The following ABCC3 variants were observed in gnomAD, a reference collection of about 807,000 sequenced individuals.
ABCC3 encodes the protein ATP-binding cassette sub-family C member 3.
ABCC3 carries 121 observed loss-of-function variants against 165.3 expected under a neutral mutation model. The ratio of observed to expected loss-of-function variants is 0.73; its 90% CI spans 0.63 to 0.85. The LOEUF (loss-of-function observed/expected upper bound fraction) is 0.85. Ranked by LOEUF, ABCC3 falls within the 40% of genes least tolerant of loss-of-function variation. ABCC3 has a pLI of 0.00. For synonymous variants in ABCC3, 733 were observed against 810.1 expected (o/e 0.90, Z 1.62); for missense variants, 1,869 against 1,964.1 (o/e 0.95, Z 0.92).
chr17:50,680,010 T>C (rs759141030), intron 26 of ABCC3, 111 bp downstream of exon 26: 3 of 738,998 alleles, frequency 4.1e-6, no homozygotes, highest in Non-Finnish European at 7.0e-6. Context: ...GGGCTCTTCA[T>C]TCATTTACCC....
intron 8 of ABCC3, among the ~76,000 whole-genome samples, chr17:50,662,608 A>G (rs1216982351): frequency 1.4e-5 from 2 of 144,672 alleles, no homozygotes; most frequent in African/African-American, 5.3e-5. Flanking sequence ...ACCGCACTCC[A>G]GTCTAGGTGA....
intron 12 of ABCC3, 49 bp from the exon 13 acceptor site, chr17:50,667,814 G>A (rs1161315773): frequency 1.9e-6 from 3 of 1,613,596 alleles, no homozygotes; most frequent in East Asian, 2.2e-5. Flanking sequence ...GCCCAGGCAT[G>A]GCCAGGGCTC....
intron 30 of ABCC3, among the ~76,000 whole-genome samples, chr17:50,687,960 C>CTTT (rs779689378): frequency 6.9e-6 from 1 of 144,740 alleles, no homozygotes. Context: ...TCTTCTTCTT[C>CTTT]TTTTTTTTTT....
intron 3 of ABCC3, 24 bp from the exon 4 acceptor site, chr17:50,657,022 G>A (rs112433873): frequency 6.2e-7 from 1 of 1,609,048 alleles, no homozygotes; most frequent in African/African-American, 1.3e-5. Context: ...GTTCTGCCCG[G>A]GCCTCCCTGC....
At chr17:50,638,430 G>T (rs2054198970) in intron 1 of ABCC3, among the ~76,000 whole-genome samples, 1 of 152,166 alleles carries the variant, frequency 6.6e-6, no homozygotes, top group Non-Finnish European at 1.5e-5. Context: ...CCCTGTCACT[G>T]GGGGGTATGT....
chr17:50,673,379 G>A (rs1967690319), intron 18 of ABCC3, 90 bp from the exon 19 acceptor site: 3 of 1,497,830 alleles, frequency 2.0e-6, no homozygotes, highest in Non-Finnish European at 2.7e-6. Context: ...TGGCACATGG[G>A]CACACTTCAC....
chr17:50,659,102 CT>C (rs1967320848), intron 6 of ABCC3, 134 bp from the exon 7 acceptor site: 2 of 1,084,282 alleles, frequency 1.8e-6, no homozygotes, highest in Non-Finnish European at 2.7e-6. Context: ...AAGGAGACAC[CT>C]TTCATGGTCA....
At chr17:50,684,149 T>G in intron 28 of ABCC3, 42 bp downstream of exon 28, 1 of 1,600,490 alleles carries the variant, frequency 6.2e-7, no homozygotes, top group Non-Finnish European at 8.5e-7. Context: ...CCAACGGCCC[T>G]GGAGGCAGGC....
At chr17:50,684,582 C>T (rs1379396024) in intron 28 of ABCC3, 127 bp from the exon 29 acceptor site, 4 of 1,040,198 alleles carry the variant, frequency 3.8e-6, no homozygotes, top group Non-Finnish European at 5.5e-6. Flanking sequence ...CCATTGTGTC[C>T]TCTGGGGAGC....
intron 1 of ABCC3, among the ~76,000 whole-genome samples, chr17:50,638,466 C>T (rs368277474): frequency 2.0e-5 from 3 of 152,078 alleles, no homozygotes; most frequent in East Asian, 1.9e-4. Context: ...GACTGCTTGG[C>T]GGAGATGCTG....
At position 50,675,349 on chromosome 17, in the gene ABCC3, C is replaced by T. The variant is rs566597656; in HGVS notation, c.2600-13C>T. On this transcript the variant is annotated splice_polypyrimidine_tract_variant and intron_variant, in intron 19 of 30. Coordinates refer to ENST00000285238, the MANE Select transcript of ABCC3 (RefSeq NM_003786.4). ...TAGCTGAACCCTATCTCCTTCCTCC[C>T]ACCCTACTGCAGCGTTGGAAGGTGC... The T allele has an allele frequency of 3.1e-6, 5 of 1,594,198 alleles. No homozygotes were observed. The highest frequency in any genetic ancestry group is 4.3e-6 in the Non-Finnish European group (5 of 1,167,322).
intron 22 of ABCC3, 26 bp downstream of exon 22, chr17:50,676,116 G>A: frequency 1.2e-6 from 2 of 1,613,414 alleles, no homozygotes; most frequent in Non-Finnish European, 1.7e-6. Context: ...TGTCCAGAAG[G>A]GGCTCCAATA....
At chr17:50,684,562 A>G in intron 28 of ABCC3, 147 bp from the exon 29 acceptor site, 1 of 826,354 alleles carries the variant, frequency 1.2e-6, no homozygotes, top group Non-Finnish European at 1.8e-6. Context: ...GCAATTTTCT[A>G]TCTCTTTGGC....
chr17:50,683,911 C>T, intron 27 of ABCC3, 38 bp from the exon 28 acceptor site: 1 of 1,603,352 alleles, frequency 6.2e-7, no homozygotes, highest in South Asian at 1.1e-5. Context: ...TTTGACCTCT[C>T]AGCTTCCCCC....
In ABCC3 at chr17:50,684,821, G is replaced by A. The variant is rs1410401804; in HGVS notation, c.4226G>A (p.Ser1409Asn). 1.2e-6 allele frequency: 2 copies of A among 1,614,052 alleles called. No individual in the cohort carries two copies. The highest frequency in any genetic ancestry group is 1.7e-6 in the Non-Finnish European group (2 of 1,180,042). ...LELSHLHTFVSSQPAGLDFQC... is the reference protein window; with the variant it reads ...LELSHLHTFVNSQPAGLDFQC... ...CTGTCCCACCTGCACACGTTTGTGA[G>A]CTCCCAGCCGGCAGGCCTGGACTTC... Residue 1409 changes from serine (S) to asparagine (N), a missense_variant, in exon 29 of 31, where the codon AGC becomes AAC. Transcript: ENST00000285238.
At chr17:50,679,684 C>A in intron 25 of ABCC3, 114 bp from the exon 26 acceptor site, 1 of 1,000,080 alleles carries the variant, frequency 1.0e-6, no homozygotes, top group Non-Finnish European at 1.5e-6. Context: ...CCTGGGTCAT[C>A]CATGGGCTAG....
chr17:50,658,118 T>G lies in ABCC3; in HGVS notation c.523T>G (p.Tyr175Asp). The change falls in exon 5 of 31, where the codon TAC (tyrosine) becomes GAC (aspartate). Residue 175 changes from tyrosine to aspartate, a missense_variant. Tyr to Asp is a radical substitution (Grantham distance 160). Coordinates refer to ENST00000285238, the MANE Select transcript of ABCC3 (RefSeq NM_003786.4). ...AGACCCCTTCCGCTTCACCACCTTC[T>G]ACATCCACTTTGCCCTGGTACTCTC... Reference protein sequence around the residue: ...ISDPFRFTTFYIHFALVLSAL... With the variant: ...ISDPFRFTTFDIHFALVLSAL... 6.2e-7 allele frequency: 1 copy of G among 1,614,166 alleles called. No homozygotes were observed. Among genetic ancestry groups the G allele is most frequent in the Non-Finnish European group, 8.5e-7 (1 of 1,180,010 alleles).
chr17:50,689,323 T>C (rs896125062), intron 30 of ABCC3, among the ~76,000 whole-genome samples: 33 of 152,372 alleles, frequency 2.2e-4, no homozygotes, highest in African/African-American at 7.5e-4. Context: ...CCTCAGAAGC[T>C]TGTGGCTTCC....
rs3892688 is a variant in ABCC3, at chr17:50,676,889, G to C, written c.3378+301G>C. ...TTTCCTGTTGGCTTTTTTTTTTTGG[G>C]GGGGGGGGGACGGAATCTCGAGTCT... On this transcript the variant is annotated intron_variant, in intron 23 of 30. Transcript: ENST00000285238. Among the ~76,000 whole-genome samples, 9 of 8,782 alleles carry C rather than the reference G, an allele frequency of 1.0e-3. No homozygotes were observed. In the East Asian group the frequency reaches 0.024, roughly 24 times the overall value. The allele number at this position is 8,782 out of a possible 152,430, so 5.8% of individuals were successfully genotyped here.
Sources: allele counts gnomAD v4.1 joint callset (sites outside exome capture counted in the v4.1 genomes callset), GRCh38; gene constraint gnomAD v4.1.1; transcripts MANE v1.5; gene names NCBI Gene and HGNC (gene_info 2026-07-23, HGNC 2026-07-21).